The following LUZP2 variants were observed in gnomAD, a reference collection of about 807,000 sequenced individuals.
LUZP2 encodes the protein leucine zipper protein 2.
A neutral mutation model predicts 51.6 loss-of-function variants in LUZP2; 52 were observed. That is an observed-to-expected ratio of 1.01 (90% CI 0.81 to 1.27). The LOEUF is 1.27. LUZP2 is among the 50% of genes most tolerant of loss of function. The pLI is 0.00. For synonymous variants in LUZP2, 154 were observed against 137.3 expected (o/e 1.12, Z -0.85); for missense variants, 436 against 395.4 (o/e 1.10, Z -0.87).
At chr11:24,542,684 T>G (rs1453256205) in intron 1 of LUZP2, among the ~76,000 whole-genome samples, 1 of 152,004 alleles carries the variant, frequency 6.6e-6, no homozygotes, top group African/African-American at 2.4e-5. Context: ...ACAGAAGATT[T>G]TGGCAGTATG....
chr11:24,906,296 T>C (rs1853450335), intron 6 of LUZP2, among the ~76,000 whole-genome samples: 1 of 151,610 alleles, frequency 6.6e-6, no homozygotes, highest in South Asian at 2.1e-4. Flanking sequence ...TTTTTTTTTT[T>C]CTGGATTTCT....
At chr11:24,915,429 A>AGAG (rs1342517659) in intron 7 of LUZP2, among the ~76,000 whole-genome samples, 1 of 152,148 alleles carries the variant, frequency 6.6e-6, no homozygotes, top group Non-Finnish European at 1.5e-5. Context: ...CAATCAAAGC[A>AGAG]GAAAAAGGAG....
chr11:24,691,306 A>G (rs1412187890), intron 1 of LUZP2, among the ~76,000 whole-genome samples: 1 of 152,002 alleles, frequency 6.6e-6, no homozygotes, highest in Non-Finnish European at 1.5e-5. Context: ...AAAAATTTAC[A>G]TATTCATCTC....
chr11:24,901,577 C>T (rs1853284177), intron 5 of LUZP2, among the ~76,000 whole-genome samples: 1 of 152,150 alleles, frequency 6.6e-6, no homozygotes, highest in Non-Finnish European at 1.5e-5. Flanking sequence ...TAGACAGACT[C>T]CTCTGAGTTC....
chr11:24,609,895 C>G (rs947347750), intron 1 of LUZP2, among the ~76,000 whole-genome samples: 6 of 152,092 alleles, frequency 3.9e-5, no homozygotes, highest in South Asian at 2.1e-4. Context: ...AAGATTATCC[C>G]TTTAAAGGGG....
chr11:24,866,769 A>G (rs893645277), intron 5 of LUZP2, among the ~76,000 whole-genome samples: 2 of 152,172 alleles, frequency 1.3e-5, no homozygotes, highest in Non-Finnish European at 2.9e-5. Flanking sequence ...AAATTGTGAC[A>G]TTTGTGCTAG....
chr11:25,066,697 C>G (rs1258056184), intron 10 of LUZP2, among the ~76,000 whole-genome samples: 1 of 151,778 alleles, frequency 6.6e-6, no homozygotes, highest in African/African-American at 2.4e-5. Flanking sequence ...TTTAGGAAGA[C>G]ATTTCTGGAG....
chr11:24,968,472 G>T (rs1590787107), intron 7 of LUZP2, among the ~76,000 whole-genome samples: 1 of 152,130 alleles, frequency 6.6e-6, no homozygotes, highest in Admixed American at 6.6e-5. Context: ...TGTTTTGATT[G>T]CCTGTGGTAT....
intron 1 of LUZP2, among the ~76,000 whole-genome samples, chr11:24,680,447 G>A (rs968284651): frequency 6.6e-6 from 1 of 152,174 alleles, no homozygotes; most frequent in Non-Finnish European, 1.5e-5. Flanking sequence ...ATCCAACCCA[G>A]ACTTCTCAGT....
chr11:24,645,838 TAA>T (rs1312794957), intron 1 of LUZP2, among the ~76,000 whole-genome samples: 2 of 121,816 alleles, frequency 1.6e-5, no homozygotes, highest in African/African-American at 5.8e-5. Flanking sequence ...ACATATATAT[TAA>T]GTGTGTGTGT....
chr11:24,706,098 C>G lies in LUZP2; in HGVS notation c.63-23071C>G, dbSNP rs112561676. 9.2e-3 allele frequency among the ~76,000 whole-genome samples: 1,395 copies of G among 152,190 alleles called. 30 individuals carry two copies. Among genetic ancestry groups the G allele is most frequent in the African/African-American group, 0.03 (1,249 of 41,520 alleles). Reference sequence around the variant, plus strand: ...AGTGACTTCTACTTGATACTTCTTTCCCATATCAAGGAAGGAATAGTCGTA... The same window carrying G: ...AGTGACTTCTACTTGATACTTCTTTGCCATATCAAGGAAGGAATAGTCGTA... On this transcript the variant is annotated intron_variant, in intron 1 of 11. Coordinates refer to ENST00000336930, the MANE Select transcript of LUZP2 (RefSeq NM_001009909.4).
chr11:24,506,636 C>T (rs1157832980), intron 1 of LUZP2, among the ~76,000 whole-genome samples: 2 of 152,084 alleles, frequency 1.3e-5, no homozygotes, highest in Non-Finnish European at 2.9e-5. Context: ...TGATAACCTA[C>T]AGGTTAGACC....
At chr11:24,734,480 T>C (rs1402611154) in intron 3 of LUZP2, among the ~76,000 whole-genome samples, 2 of 151,844 alleles carry the variant, frequency 1.3e-5, no homozygotes, top group African/African-American at 2.4e-5. Flanking sequence ...GAGGGTAAAA[T>C]GGAGAATATT....
intron 10 of LUZP2, among the ~76,000 whole-genome samples, chr11:25,054,908 C>T (rs1858631011): frequency 1.4e-5 from 2 of 144,586 alleles, no homozygotes; most frequent in African/African-American, 5.1e-5. Flanking sequence ...CCTTACATTT[C>T]TTTGCAAATA....
At chr11:24,682,148 A>G (rs993052951) in intron 1 of LUZP2, among the ~76,000 whole-genome samples, 1 of 152,166 alleles carries the variant, frequency 6.6e-6, no homozygotes, top group African/African-American at 2.4e-5. Context: ...ACCTTCATCA[A>G]CTTTTACTGT....
intron 9 of LUZP2, among the ~76,000 whole-genome samples, chr11:24,990,185 T>C (rs944699540): frequency 6.6e-6 from 1 of 152,038 alleles, no homozygotes; most frequent in African/African-American, 2.4e-5. Context: ...ACTACCTTTT[T>C]CGAGGTAGTT....
At chr11:24,801,246 G>A (rs987783766) in intron 5 of LUZP2, among the ~76,000 whole-genome samples, 2 of 151,924 alleles carry the variant, frequency 1.3e-5, no homozygotes, top group East Asian at 3.9e-4. Flanking sequence ...GTTGGTGAGG[G>A]AATACCATCT....
intron 1 of LUZP2, among the ~76,000 whole-genome samples, chr11:24,596,674 C>T (rs1318302032): frequency 6.6e-6 from 1 of 152,118 alleles, no homozygotes; most frequent in Non-Finnish European, 1.5e-5. Context: ...GCAATACGTT[C>T]TAATTCTGTG....
chr11:24,831,382 C>T (rs975853645), intron 5 of LUZP2, among the ~76,000 whole-genome samples: 1 of 152,114 alleles, frequency 6.6e-6, no homozygotes, highest in Non-Finnish European at 1.5e-5. Context: ...AGGACTTCTT[C>T]TTGAAAACGA....
Sources: allele counts gnomAD v4.1 joint callset (sites outside exome capture counted in the v4.1 genomes callset), GRCh38; gene constraint gnomAD v4.1.1; transcripts MANE v1.5; gene names NCBI Gene and HGNC (gene_info 2026-07-23, HGNC 2026-07-21).